The following KCTD10 variants were observed in gnomAD, a reference collection of about 807,000 sequenced individuals.
KCTD10 encodes the protein potassium channel tetramerization domain containing 10.
Under a neutral mutation model 34.6 loss-of-function variants are expected in KCTD10, and 13 were observed. The observed-to-expected ratio is 0.38, with a 90% CI of 0.24 to 0.60. The LOEUF is 0.60. KCTD10 is among the 20% of genes least tolerant of loss of function. The probability of loss-of-function intolerance (pLI) is 0.66; values close to 1 mark genes in which losing one functional copy is unlikely to be tolerated. For synonymous variants in KCTD10, 156 were observed against 168.8 expected (o/e 0.92, Z 0.59); for missense variants, 256 against 420.3 (o/e 0.61, Z 3.42).
At chr12:109,464,108 T>G (rs1161577649) in intron 2 of KCTD10, among the ~76,000 whole-genome samples, 1 of 152,120 alleles carries the variant, frequency 6.6e-6, no homozygotes, top group African/African-American at 2.4e-5. Context: ...CTTTCCCCTC[T>G]CCCACCACCT....
chr12:109,455,551 A>C (rs937924930), intron 6 of KCTD10: 2 of 154,692 alleles, frequency 1.3e-5, no homozygotes, highest in African/African-American at 4.8e-5. Context: ...TCAGGCTCTT[A>C]AGACTCCTGT....
chr12:109,449,261 A>C lies in KCTD10; in HGVS notation c.*2334T>G, dbSNP rs1425229252. 6.6e-6 allele frequency: 1 copy of C among 152,228 alleles called. No individual in the cohort carries two copies. Among genetic ancestry groups the C allele is most frequent in the Admixed American group, 6.5e-5 (1 of 15,282 alleles). 9.4% of individuals were successfully genotyped at this position (152,228 alleles called of 1,614,324 possible). Reference sequence around the variant, plus strand: ...CTCATGGCTATAATGCAGCCGACAGAATTGTTCACCATGGAATGTTTTATA... The same window carrying C: ...CTCATGGCTATAATGCAGCCGACAGCATTGTTCACCATGGAATGTTTTATA... On this transcript the variant is annotated 3_prime_UTR_variant, in exon 7 of 7. Coordinates refer to ENST00000228495, the MANE Select transcript of KCTD10 (RefSeq NM_031954.5).
At chr12:109,466,447 C>T (rs951240209) in intron 2 of KCTD10, among the ~76,000 whole-genome samples, 7 of 152,214 alleles carry the variant, frequency 4.6e-5, no homozygotes, top group African/African-American at 1.7e-4. Context: ...AGCCACTTGT[C>T]CAATGTCACA....
chr12:109,457,616 G>A lies in KCTD10; in HGVS notation c.527+14C>T, dbSNP rs774611520. On this transcript the variant is annotated intron_variant, in intron 5 of 6. Coordinates refer to ENST00000228495, the MANE Select transcript of KCTD10 (RefSeq NM_031954.5). ...CCTAGTAAATGGAGCTGTCTTTCCC[G>A]GCTGACGCCTTACCTGGTATATGAG... 12 of 1,613,410 alleles carry A rather than the reference G, an allele frequency of 7.4e-6. No individual in the cohort carries two copies. Among genetic ancestry groups the A allele is most frequent in the East Asian group, 2.2e-5 (1 of 44,880 alleles).
intron 6 of KCTD10, among the ~76,000 whole-genome samples, chr12:109,452,560 C>T (rs549810143): frequency 6.6e-6 from 1 of 152,352 alleles, no homozygotes; most frequent in Non-Finnish European, 1.5e-5. Flanking sequence ...ATGGAGCAGG[C>T]ACACTCTACC....
At chr12:109,476,080 A>G (rs1874214825) in intron 1 of KCTD10, among the ~76,000 whole-genome samples, 1 of 152,208 alleles carries the variant, frequency 6.6e-6, no homozygotes, top group Non-Finnish European at 1.5e-5. Flanking sequence ...TCAAGAAATC[A>G]TTAGTCTAAT....
intron 1 of KCTD10, chr12:109,470,744 C>G (rs1164734026): frequency 3.7e-6 from 1 of 269,918 alleles, no homozygotes; most frequent in African/African-American, 2.3e-5. Flanking sequence ...CGGACACAGA[C>G]AAAAACATAA....
rs550159423 is a variant in KCTD10, at chr12:109,471,710, G to C, written c.4-1982C>G. ...CCAAAAACTGTGAAGACCTCGAAGG[G>C]GGGGAGAAAAGGCTTACGGTCATGG... On this transcript the variant is annotated intron_variant, in intron 1 of 6. Transcript: ENST00000228495. Among the ~76,000 whole-genome samples the C allele has an allele frequency of 5.3e-5, 8 of 152,264 alleles. No individual in the cohort carries two copies. The South Asian group carries it at 6.2e-4, about 12-fold the overall frequency.
intron 2 of KCTD10, among the ~76,000 whole-genome samples, chr12:109,467,677 A>G (rs1873657162): frequency 6.6e-6 from 1 of 152,058 alleles, no homozygotes; most frequent in Non-Finnish European, 1.5e-5. Flanking sequence ...TTTCATAATG[A>G]TATGAAGCAG....
chr12:109,468,753 C>T (rs957287935), intron 2 of KCTD10, among the ~76,000 whole-genome samples: 10 of 151,188 alleles, frequency 6.6e-5, no homozygotes, highest in Admixed American at 3.3e-4. Context: ...CCCGAGTTCA[C>T]GTCATTCTCC....
intron 1 of KCTD10, among the ~76,000 whole-genome samples, chr12:109,476,980 C>T (rs1391536562): frequency 6.6e-6 from 1 of 152,158 alleles, no homozygotes; most frequent in Non-Finnish European, 1.5e-5. Flanking sequence ...TGGAGACACC[C>T]CTTCCTCACG....
intron 6 of KCTD10, among the ~76,000 whole-genome samples, chr12:109,452,196 T>C (rs1872806927): frequency 6.6e-6 from 1 of 152,220 alleles, no homozygotes; most frequent in African/African-American, 2.4e-5. Flanking sequence ...GTGCCTAACT[T>C]AACCTAGAGA....
intron 6 of KCTD10, among the ~76,000 whole-genome samples, chr12:109,454,678 A>G (rs766540299): frequency 6.6e-6 from 1 of 152,222 alleles, no homozygotes; most frequent in Non-Finnish European, 1.5e-5. Context: ...GCATTGAGCT[A>G]TGATTGTGTC....
intron 1 of KCTD10, among the ~76,000 whole-genome samples, chr12:109,471,794 T>G (rs1245141118): frequency 1.3e-5 from 2 of 152,218 alleles, no homozygotes; most frequent in African/African-American, 4.8e-5. Flanking sequence ...AAGCACCCCT[T>G]TCAGATCTAA....
intron 6 of KCTD10, among the ~76,000 whole-genome samples, chr12:109,454,874 C>G (rs900563254): frequency 6.6e-6 from 1 of 152,198 alleles, no homozygotes; most frequent in Non-Finnish European, 1.5e-5. Context: ...TCTAAATCCC[C>G]TTGTTCCTTA....
At chr12:109,468,679 G>C (rs901818894) in intron 2 of KCTD10, among the ~76,000 whole-genome samples, 1 of 145,884 alleles carries the variant, frequency 6.9e-6, no homozygotes. Context: ...TTGAGACGGA[G>C]TCTCGCTCTG....
chr12:109,467,930 GAA>G (rs1267716453), intron 2 of KCTD10, among the ~76,000 whole-genome samples: 4 of 152,178 alleles, frequency 2.6e-5, no homozygotes, highest in African/African-American at 9.7e-5. Context: ...CTTTCGAGGA[GAA>G]GAGCCTCAGC....
At chr12:109,470,145 A>C in intron 1 of KCTD10, 1 of 1,008,980 alleles carries the variant, frequency 9.9e-7, no homozygotes, top group Non-Finnish European at 1.2e-6. Context: ...CTGCACCCTA[A>C]AACAGCCTAA....
At chr12:109,462,086 C>T (rs918063093) in intron 2 of KCTD10, among the ~76,000 whole-genome samples, 4 of 152,242 alleles carry the variant, frequency 2.6e-5, no homozygotes, top group East Asian at 3.8e-4. Flanking sequence ...AAGTTGAGAG[C>T]AGCAAACGCA....
Sources: gnomAD v4.1 joint callset for allele counts (sites outside exome capture counted in the v4.1 genomes callset) on GRCh38, gnomAD v4.1.1 for gene constraint, MANE v1.5 for transcripts, NCBI Gene and HGNC (gene_info 2026-07-23, HGNC 2026-07-21) for gene names.